NRXN1: variants seen among roughly 807,000 people sequenced by gnomAD.
NRXN1 encodes neurexin-1.
A neutral mutation model predicts 150.9 loss-of-function variants in NRXN1; 39 were observed. The ratio of observed to expected loss-of-function variants is 0.26; its 90% CI spans 0.20 to 0.34. NRXN1 has a LOEUF of 0.34. Among genes scored for constraint, NRXN1 ranks in the 10% least tolerant of loss-of-function variants. NRXN1 has a pLI of 1.00. For synonymous variants in NRXN1, 924 were observed against 757.0 expected, an observed-to-expected ratio of 1.22 and a Z score of -3.62; for missense variants, 1,815 against 1,949.9, an observed-to-expected ratio of 0.93 and a Z score of 1.30.
chr2:50,329,636 TA>T (rs2076666084), intron 17 of NRXN1, among the ~76,000 whole-genome samples: 1 of 4,740 alleles, frequency 2.1e-4, no homozygotes, highest in African/African-American at 1.7e-3. Context: ...TATATATATA[TA>T]TATATATATA....
chr2:50,808,342 T>A (rs571874566), intron 5 of NRXN1, among the ~76,000 whole-genome samples: 17 of 152,248 alleles, frequency 1.1e-4, no homozygotes, highest in Non-Finnish European at 2.9e-5. Context: ...ACTTTTTAGT[T>A]TTCTCAAAAG....
chr2:50,319,459 AC>A (rs1368110567), intron 17 of NRXN1, among the ~76,000 whole-genome samples: 2 of 152,150 alleles, frequency 1.3e-5, no homozygotes, highest in African/African-American at 4.8e-5. Flanking sequence ...CACCTGACTA[AC>A]TTGACTGACC....
chr2:50,964,232 G>C (rs1323194776), intron 2 of NRXN1, among the ~76,000 whole-genome samples: 1 of 151,542 alleles, frequency 6.6e-6, no homozygotes, highest in Non-Finnish European at 1.5e-5. Context: ...GCCATTCTAA[G>C]TCGCATGTTT....
intron 5 of NRXN1, among the ~76,000 whole-genome samples, chr2:50,908,249 G>T (rs1246807708): frequency 6.6e-6 from 1 of 151,874 alleles, no homozygotes; most frequent in East Asian, 1.9e-4. Flanking sequence ...GTACAGAAAG[G>T]CTGACTTATG....
chr2:50,921,863 T>C lies in NRXN1; in HGVS notation c.832+6A>G, dbSNP rs200841589. On this transcript the variant is annotated splice_donor_region_variant and intron_variant, in intron 5 of 22. Transcript: ENST00000401669. ...GATATTAAGAAGAAATAAAATAATG[T>C]AATACCTTTACTTTTACCTATGGAT... 24 of 1,355,290 alleles carry C rather than the reference T, an allele frequency of 1.8e-5. No homozygotes were observed. The highest frequency in any genetic ancestry group is 2.3e-5 in the Non-Finnish European group (23 of 1,006,716). The allele number at this position is 1,355,290 out of a possible 1,614,324, so 84.0% of individuals were successfully genotyped here.
intron 17 of NRXN1, among the ~76,000 whole-genome samples, chr2:50,426,540 G>A (rs993637933): frequency 5.9e-5 from 9 of 152,142 alleles, no homozygotes; most frequent in Admixed American, 5.9e-4. Context: ...CCAGTACATG[G>A]TGACATGTAT....
intron 17 of NRXN1, among the ~76,000 whole-genome samples, chr2:50,426,752 T>C (rs1425018161): frequency 1.3e-5 from 2 of 152,140 alleles, no homozygotes; most frequent in Non-Finnish European, 2.9e-5. Context: ...GAACAGAATA[T>C]AGCTACCCAA....
intron 18 of NRXN1, among the ~76,000 whole-genome samples, chr2:50,111,626 G>T (rs927683278): frequency 6.6e-6 from 1 of 151,362 alleles, no homozygotes; most frequent in Admixed American, 6.6e-5. Flanking sequence ...GTGACAGAGT[G>T]ACACTCTGTC....
intron 18 of NRXN1, among the ~76,000 whole-genome samples, chr2:50,094,463 C>T (rs1264858653): frequency 1.3e-5 from 2 of 152,128 alleles, no homozygotes; most frequent in African/African-American, 2.4e-5. Flanking sequence ...ATTAGTGGAA[C>T]ATCTAAGAAA....
intron 5 of NRXN1, among the ~76,000 whole-genome samples, chr2:50,814,339 T>C (rs556183509): frequency 5.9e-5 from 9 of 152,120 alleles, no homozygotes; most frequent in Non-Finnish European, 1.0e-4. Context: ...AAAATGTGGT[T>C]CACAACTAAG....
intron 18 of NRXN1, among the ~76,000 whole-genome samples, chr2:50,154,385 C>A (rs1174595710): frequency 6.6e-6 from 1 of 151,232 alleles, no homozygotes; most frequent in Non-Finnish European, 1.5e-5. Flanking sequence ...ACAAAAAAAA[C>A]AGTGTGGAAA....
intron 2 of NRXN1, among the ~76,000 whole-genome samples, chr2:50,935,678 G>C (rs1688434173): frequency 1.3e-5 from 2 of 151,872 alleles, no homozygotes; most frequent in Non-Finnish European, 2.9e-5. Flanking sequence ...AGTGAGCAGA[G>C]ATCACACCAC....
At chr2:50,985,499 A>ATT (rs1363217190) in intron 2 of NRXN1, 3 of 151,928 alleles carry the variant, frequency 2.0e-5, no homozygotes, top group African/African-American at 4.8e-5. Context: ...GCAATCCAAC[A>ATT]TCAAGTAGAA....
At chr2:50,882,378 T>C (rs191759888) in intron 5 of NRXN1, among the ~76,000 whole-genome samples, 1 of 152,050 alleles carries the variant, frequency 6.6e-6, no homozygotes, top group Admixed American at 6.6e-5. Context: ...TTTTCAGGTA[T>C]TTTCCATGCA....
At chr2:50,062,849 AAAAGT>A (rs1694758209) in intron 19 of NRXN1, among the ~76,000 whole-genome samples, 1 of 152,196 alleles carries the variant, frequency 6.6e-6, no homozygotes, top group South Asian at 2.1e-4. Flanking sequence ...TCTATGGGGA[AAAAGT>A]AAAGAAAAAC....
chr2:50,409,328 T>G (rs2082981673), intron 17 of NRXN1, among the ~76,000 whole-genome samples: 1 of 152,312 alleles, frequency 6.6e-6, no homozygotes, highest in East Asian at 1.9e-4. Context: ...CCTTTACTCA[T>G]ATGACATCCT....
intron 17 of NRXN1, among the ~76,000 whole-genome samples, chr2:50,391,343 A>G (rs2081678158): frequency 6.6e-6 from 1 of 152,166 alleles, no homozygotes; most frequent in Admixed American, 6.6e-5. Context: ...TGAAAAAAAA[A>G]TAAAGCCTAT....
intron 18 of NRXN1, among the ~76,000 whole-genome samples, chr2:50,123,382 C>T (rs1380149330): frequency 6.6e-6 from 1 of 152,080 alleles, no homozygotes; most frequent in East Asian, 1.9e-4. Context: ...CATAGAAAGG[C>T]TTGGAGGTGA....
chr2:50,481,932 AT>A (rs1243090836), intron 15 of NRXN1, among the ~76,000 whole-genome samples: 1 of 142,314 alleles, frequency 7.0e-6, no homozygotes, highest in Non-Finnish European at 1.5e-5. Flanking sequence ...CGCCCGGCTA[AT>A]TTTTTTTTGT....
Sources: gnomAD v4.1 joint callset for allele counts (sites outside exome capture counted in the v4.1 genomes callset) on GRCh38, gnomAD v4.1.1 for gene constraint, MANE v1.5 for transcripts, NCBI Gene and HGNC (gene_info 2026-07-23, HGNC 2026-07-21) for gene names.